Variants in OR56A3 observed in about 807,000 individuals in gnomAD.
The protein encoded by OR56A3 is olfactory receptor 56A3.
OR56A3 carries 23 observed loss-of-function variants against 17.5 expected under a neutral mutation model. That is an observed-to-expected ratio of 1.32 (90% CI 0.95 to 1.87). The LOEUF (loss-of-function observed/expected upper bound fraction) is 1.87, where lower values mean the gene tolerates loss of function less well. Ranked by LOEUF, OR56A3 falls within the 40% of genes most tolerant of loss-of-function variation. The pLI, the probability that OR56A3 is intolerant of heterozygous loss-of-function variation, is 0.00. For synonymous variants in OR56A3, 175 were observed against 150.6 expected (o/e 1.16, Z -1.19); for missense variants, 366 against 380.1 (o/e 0.96, Z 0.31).
the OR56A3 span, among the ~76,000 whole-genome samples, chr11:6,005,407 G>A: frequency 7.9e-5 from 12 of 152,204 alleles, no homozygotes; most frequent in Non-Finnish European, 5.9e-5. Flanking sequence ...GTTCTTTGGG[G>A]AAAAGGAGGC....
chr11:5,975,611 T>A, the OR56A3 span, among the ~76,000 whole-genome samples: 1 of 152,176 alleles, frequency 6.6e-6, no homozygotes, highest in Non-Finnish European at 1.5e-5. Context: ...CTATCATTGT[T>A]GGACATTTGG....
chr11:5,952,754 G>C (rs2134366869), downstream of OR56A3, among the ~76,000 whole-genome samples: 1 of 152,306 alleles, frequency 6.6e-6, no homozygotes, highest in East Asian at 1.9e-4. Context: ...CTGCCACCCA[G>C]ATCCTGAGCA....
At chr11:5,955,981 T>A (rs929483348), downstream of OR56A3, among the ~76,000 whole-genome samples, 9 of 152,248 alleles carry the variant, frequency 5.9e-5, no homozygotes, top group African/African-American at 2.2e-4. Flanking sequence ...ACCTCACTTT[T>A]ATTATTATTT....
the OR56A3 span, chr11:6,003,057 C>T: frequency 6.2e-7 from 1 of 1,613,730 alleles, no homozygotes; most frequent in South Asian, 1.1e-5. Flanking sequence ...AGTACAGAAA[C>T]ATAAAAAGTA....
Position 5,948,349 on chromosome 11 carries a change from ATGAG to A in OR56A3, c.*62_*65del, listed in dbSNP as rs1369750015. On this transcript the variant is annotated 3_prime_UTR_variant, in exon 3 of 3. Coordinates refer to ENST00000641160, the MANE Select transcript of OR56A3 (RefSeq NM_001003443.3). ...AATAAGATAATTTATTAATCACTTA[ATGAG>A]TGAGTGGGCTGAAATTCATATCTGT... 2 of 1,222,336 alleles carry A rather than the reference ATGAG, an allele frequency of 1.6e-6. No homozygotes were observed. The highest frequency in any genetic ancestry group is 4.8e-5 in the East Asian group (2 of 41,734). 75.7% of individuals were successfully genotyped at this position (1,222,336 alleles called of 1,614,324 possible).
chr11:5,956,007 A>G (rs1327167031), downstream of OR56A3, among the ~76,000 whole-genome samples: 1 of 152,262 alleles, frequency 6.6e-6, no homozygotes, highest in Non-Finnish European at 1.5e-5. Context: ...TCACTCTAGT[A>G]TATCAACTGT....
rs1564800094 is a variant in OR56A3 at position 5,948,237 on chromosome 11, G to C, written c.891G>C (p.Gly297=). 6.2e-7 allele frequency: 1 copy of C among 1,614,008 alleles called. No individual in the cohort carries two copies. Among genetic ancestry groups the C allele is most frequent in the Non-Finnish European group, 8.5e-7 (1 of 1,180,024 alleles). ...CAGCCCTTAACCCCATCATTTACGG[G>C]GTGAGAACCCAAGAAATTAAGCAGG... ...IPAALNPIIY[G]VRTQEIKQGM... is the part of the protein sequence containing the mutation. Residue 297 remains glycine (G), a synonymous_variant, in exon 3 of 3, where the codon GGG becomes GGC. Transcript: ENST00000641160.
chr11:6,008,326 A>G, the OR56A3 span, among the ~76,000 whole-genome samples: 1 of 152,220 alleles, frequency 6.6e-6, no homozygotes, highest in African/African-American at 2.4e-5. Context: ...TGTCTGAGGT[A>G]AAGCTCCAAG....
In OR56A3 at chr11:5,947,691, G is replaced by A. The variant is rs757319632; in HGVS notation, c.345G>A (p.Glu115=). 7.4e-6 allele frequency: 12 copies of A among 1,613,986 alleles called. No individual in the cohort carries two copies. In the African/African-American group the frequency reaches 1.6e-4, roughly 22 times the overall value. ...MYIMNCFLAM[E]SCTFMVMAYD... is the part of the protein sequence containing the mutation. ...TCATGAATTGTTTCCTAGCCATGGA[G>A]TCTTGCACATTCATGGTCATGGCCT... is the stretch of plus-strand genomic sequence containing the variant. Residue 115 remains glutamate (E), a synonymous_variant, in exon 3 of 3, where the codon GAG becomes GAA. Transcript: ENST00000641160.
At chr11:5,974,973 G>C in the OR56A3 span, among the ~76,000 whole-genome samples, 1 of 151,994 alleles carries the variant, frequency 6.6e-6, no homozygotes, top group East Asian at 1.9e-4. Context: ...TTTTCTTTTT[G>C]GTAATGACTC....
rs960398599 is a variant in OR56A3 at position 5,948,458 on chromosome 11, C to G, written c.*164C>G. On this transcript the variant is annotated 3_prime_UTR_variant, in exon 3 of 3. Transcript: ENST00000641160. The stretch of plus-strand genomic sequence containing the variant: ...TCGGTTTTAATTTAAGTCTATCTTC[C>G]TTTTCACCCTTTTCTCAGAAATATT... 13 of 570,886 alleles carry G rather than the reference C, an allele frequency of 2.3e-5. No homozygotes were observed. The highest frequency in any genetic ancestry group is 2.2e-4 in the African/African-American group (12 of 53,632). 35.4% of individuals were successfully genotyped at this position (570,886 alleles called of 1,614,324 possible).
At chr11:6,012,422 A>T in the OR56A3 span, among the ~76,000 whole-genome samples, 1 of 152,156 alleles carries the variant, frequency 6.6e-6, no homozygotes, top group Non-Finnish European at 1.5e-5. Context: ...GTGTTCAGTT[A>T]TCAGCAGAGG....
At chr11:5,966,434 A>G in the OR56A3 span, among the ~76,000 whole-genome samples, 1 of 152,120 alleles carries the variant, frequency 6.6e-6, no homozygotes, top group Non-Finnish European at 1.5e-5. Context: ...TCTTCCAAGA[A>G]TAATTTGATT....
chr11:6,002,966 A>T, the OR56A3 span: 1 of 1,613,956 alleles, frequency 6.2e-7, no homozygotes, highest in Admixed American at 1.7e-5. Context: ...AGACTGGGGC[A>T]GTGGAGTCAT....
At chr11:5,962,572 C>T in the OR56A3 span, among the ~76,000 whole-genome samples, 2 of 148,958 alleles carry the variant, frequency 1.3e-5, no homozygotes, top group East Asian at 1.9e-4. Flanking sequence ...CTCTCTGTCG[C>T]CCAGGCCAGA....
In OR56A3 at chr11:5,951,004, G is replaced by A. The variant is rs1474327891; in HGVS notation, c.*2710G>A. 2 of 152,102 alleles carry A rather than the reference G, an allele frequency of 1.3e-5. No homozygotes were observed. Among genetic ancestry groups the A allele is most frequent in the East Asian group, 3.9e-4 (2 of 5,184 alleles). The allele number at this position is 152,102 out of a possible 1,614,324, so 9.4% of individuals were successfully genotyped here. A position where few individuals can be genotyped will look rare whatever the true frequency, so the allele number is the denominator to read the frequency against. Reference sequence around the variant, plus strand: ...TGGCTATAATTTTTCTTTTTTATATGTTTTGCCAAGGAAGTCAGGGTTTTA... The same window carrying A: ...TGGCTATAATTTTTCTTTTTTATATATTTTGCCAAGGAAGTCAGGGTTTTA... On this transcript the variant is annotated 3_prime_UTR_variant, in exon 3 of 3. Transcript: ENST00000641160.
At chr11:6,020,723 T>C in the OR56A3 span, 1 of 152,244 alleles carries the variant, frequency 6.6e-6, no homozygotes, top group African/African-American at 2.4e-5. Context: ...CTGTGGGGTT[T>C]TCTATATATA....
the OR56A3 span, among the ~76,000 whole-genome samples, chr11:5,959,442 G>A: frequency 2.0e-5 from 3 of 152,000 alleles, no homozygotes; most frequent in Admixed American, 1.3e-4. Context: ...ATACCTGTTG[G>A]TCATTTTTCT....
chr11:5,986,898 G>A, the OR56A3 span: 1 of 1,613,174 alleles, frequency 6.2e-7, no homozygotes, highest in Non-Finnish European at 8.5e-7. Context: ...TCAATGGCTT[G>A]GAGAGGAAAG....
Sources: gnomAD v4.1 joint callset for allele counts (sites outside exome capture counted in the v4.1 genomes callset) on GRCh38, gnomAD v4.1.1 for gene constraint, MANE v1.5 for transcripts, NCBI Gene and HGNC (gene_info 2026-07-23, HGNC 2026-07-21) for gene names.